Variants in ADGRL2 observed in about 807,000 individuals in gnomAD.
ADGRL2 encodes the protein calcium-independent alpha-latrotoxin receptor 2.
A neutral mutation model predicts 157.4 loss-of-function variants in ADGRL2; 44 were observed. That is an observed-to-expected ratio of 0.28 (90% CI 0.22 to 0.36). ADGRL2 has a LOEUF of 0.36. Ranked by LOEUF, ADGRL2 falls within the 10% of genes least tolerant of loss-of-function variation. The probability of loss-of-function intolerance (pLI) is 1.00; values close to 1 mark genes in which losing one functional copy is unlikely to be tolerated. For synonymous variants in ADGRL2, 585 were observed against 624.7 expected (o/e 0.94, Z 0.95); for missense variants, 1,510 against 1,768.9 (o/e 0.85, Z 2.63).
intron 2 of ADGRL2, among the ~76,000 whole-genome samples, chr1:81,495,066 G>T (rs1313125739): frequency 1.3e-5 from 2 of 152,112 alleles, no homozygotes; most frequent in African/African-American, 2.4e-5. Flanking sequence ...ATGAATCAGG[G>T]TAGAGCAGAT....
At chr1:81,386,043 T>C (rs2076429259) in intron 1 of ADGRL2, among the ~76,000 whole-genome samples, 1 of 152,154 alleles carries the variant, frequency 6.6e-6, no homozygotes. Flanking sequence ...CAATCCTCAT[T>C]TGTTTTCTGT....
chr1:81,662,027 C>T (rs2082661829), intron 3 of ADGRL2, among the ~76,000 whole-genome samples: 1 of 151,594 alleles, frequency 6.6e-6, no homozygotes, highest in African/African-American at 2.4e-5. Flanking sequence ...TTTGTGGGTA[C>T]ATAGTAGAAG....
intron 1 of ADGRL2, among the ~76,000 whole-genome samples, chr1:81,362,435 A>T (rs889722040): frequency 2.0e-4 from 31 of 151,978 alleles, no homozygotes; most frequent in African/African-American, 7.2e-4. Context: ...ATAGTTGGAA[A>T]TGCAAAGAAA....
At chr1:81,337,778 T>C (rs1462178361) in intron 1 of ADGRL2, among the ~76,000 whole-genome samples, 1 of 152,150 alleles carries the variant, frequency 6.6e-6, no homozygotes, top group Admixed American at 6.5e-5. Context: ...AGACTCTTTT[T>C]TTCAGTAATT....
At position 81,904,739 on chromosome 1, in the gene ADGRL2, C is replaced by G. The variant is rs578106515; in HGVS notation, c.74-2278C>G. The stretch of plus-strand genomic sequence containing the variant: ...CCTGGCCAACATGGTGAAACCTTGT[C>G]TCTACTAAGAATACAAAATTAGTCT... On this transcript the variant is annotated intron_variant, in intron 2 of 23. Transcript: ENST00000686636. Among the ~76,000 whole-genome samples, 18 of 152,244 alleles carry G rather than the reference C, an allele frequency of 1.2e-4. 1 individual carries two copies. In the South Asian group the frequency reaches 3.7e-3, roughly 32 times the overall value.
chr1:81,417,067 A>G (rs148194715), intron 1 of ADGRL2, among the ~76,000 whole-genome samples: 2,920 of 152,252 alleles, frequency 0.019, 35 homozygotes, highest in Non-Finnish European at 0.029. Flanking sequence ...GCTATATTCT[A>G]TGTACAAAAA....
At chr1:81,886,601 T>C (rs1451697575) in intron 2 of ADGRL2, among the ~76,000 whole-genome samples, 7 of 152,224 alleles carry the variant, frequency 4.6e-5, no homozygotes. Context: ...TTTATGTTTT[T>C]TTCTTCCCAA....
intron 1 of ADGRL2, among the ~76,000 whole-genome samples, chr1:81,801,464 C>T (rs976379844): frequency 6.6e-6 from 1 of 152,196 alleles, no homozygotes; most frequent in East Asian, 1.9e-4. Context: ...CTCACACACA[C>T]GCAGAGGTGC....
intron 1 of ADGRL2, among the ~76,000 whole-genome samples, chr1:81,338,200 T>C (rs909798395): frequency 6.6e-6 from 1 of 152,066 alleles, no homozygotes; most frequent in South Asian, 2.1e-4. Flanking sequence ...CTGTCTTTAC[T>C]AAAAATACAA....
Position 81,643,934 on chromosome 1 carries a change from GA to G in ADGRL2, c.-143+62956del, listed in dbSNP as rs535340174. ...TAAAGTAACCAACATAATATTGAAG[GA>G]AGAGAACAAAGTTGAAGGACTGATT... is the stretch of plus-strand genomic sequence containing the variant. On this transcript the variant is annotated intron_variant, in intron 3 of 24. Coordinates refer to the ADGRL2 transcript ENST00000370721. Among the ~76,000 whole-genome samples, 11 of 152,230 alleles carry G rather than the reference GA, an allele frequency of 7.2e-5. No individual in the cohort carries two copies. In the South Asian group the frequency reaches 1.2e-3, roughly 17 times the overall value.
chr1:81,940,031 C>T (rs72719403), intron 4 of ADGRL2, among the ~76,000 whole-genome samples: 6,159 of 151,218 alleles, frequency 0.041, 184 homozygotes, highest in Admixed American at 0.07. Flanking sequence ...AATTAAATCT[C>T]AAGTAAATAA....
At chr1:81,711,292 C>G (rs2083920202) in intron 1 of ADGRL2, among the ~76,000 whole-genome samples, 1 of 152,196 alleles carries the variant, frequency 6.6e-6, no homozygotes, top group South Asian at 2.1e-4. Flanking sequence ...AATATCTGCA[C>G]AGCACCTAAA....
chr1:81,576,056 A>G (rs1010490683), intron 2 of ADGRL2, among the ~76,000 whole-genome samples: 4 of 152,148 alleles, frequency 2.6e-5, no homozygotes, highest in African/African-American at 7.2e-5. Context: ...AACTTATTTT[A>G]TAAAATCTCT....
chr1:81,456,510 T>C (rs1370543151), intron 2 of ADGRL2, among the ~76,000 whole-genome samples: 3 of 152,090 alleles, frequency 2.0e-5, no homozygotes, highest in Non-Finnish European at 4.4e-5. Flanking sequence ...AGTGCTAGGG[T>C]TACAGGCATA....
intron 3 of ADGRL2, among the ~76,000 whole-genome samples, chr1:81,645,182 G>C (rs2082289317): frequency 6.6e-6 from 1 of 151,970 alleles, no homozygotes; most frequent in African/African-American, 2.4e-5. Context: ...TTGAGGCCAG[G>C]AGTTCAAGAC....
At chr1:81,573,355 C>T (rs1025372386) in intron 2 of ADGRL2, among the ~76,000 whole-genome samples, 3 of 152,040 alleles carry the variant, frequency 2.0e-5, no homozygotes, top group African/African-American at 7.2e-5. Context: ...CCTTCCTTAA[C>T]CTTTTTCCTC....
intron 1 of ADGRL2, among the ~76,000 whole-genome samples, chr1:81,729,782 C>G (rs2084658937): frequency 6.6e-6 from 1 of 152,160 alleles, no homozygotes; most frequent in South Asian, 2.1e-4. Context: ...GAACAATAAA[C>G]TATTTAAATC....
At chr1:81,500,767 T>G (rs2078828604) in intron 2 of ADGRL2, among the ~76,000 whole-genome samples, 1 of 152,186 alleles carries the variant, frequency 6.6e-6, no homozygotes, top group African/African-American at 2.4e-5. Flanking sequence ...TAGAATGTAC[T>G]TAAGTAAATG....
chr1:81,949,202 C>G (rs972538327), intron 6 of ADGRL2, among the ~76,000 whole-genome samples: 5 of 152,116 alleles, frequency 3.3e-5, no homozygotes, highest in Non-Finnish European at 7.4e-5. Context: ...AATGTTGATA[C>G]AACTTTCGTG....
Sources: gnomAD v4.1 joint callset for allele counts (sites outside exome capture counted in the v4.1 genomes callset) on GRCh38, gnomAD v4.1.1 for gene constraint, MANE v1.5 for transcripts, NCBI Gene and HGNC (gene_info 2026-07-23, HGNC 2026-07-21) for gene names.